TTC8: variants seen among roughly 807,000 people sequenced by gnomAD.
The protein encoded by TTC8 is tetratricopeptide repeat domain 8, also known as tetratricopeptide repeat protein 8.
TTC8 carries 47 observed loss-of-function variants against 72.5 expected under a neutral mutation model. That is an observed-to-expected ratio of 0.65 (90% CI 0.51 to 0.83). TTC8 has a LOEUF of 0.83. Among genes scored for constraint, TTC8 ranks in the 40% least tolerant of loss-of-function variants. The pLI, the probability that TTC8 is intolerant of heterozygous loss-of-function variation, is 0.00. For synonymous variants in TTC8, 199 were observed against 221.4 expected (o/e 0.90, Z 0.90); for missense variants, 611 against 623.2 (o/e 0.98, Z 0.21).
At chr14:88,878,754 G>A (rs2094965639), downstream of TTC8, 1 of 152,202 alleles carries the variant, frequency 6.6e-6, no homozygotes, top group South Asian at 2.1e-4. Flanking sequence ...TAAAATAAGA[G>A]CTAATAAGAA....
chr14:88,824,648 T>C (rs2094689557), upstream of TTC8: 1 of 1,436,806 alleles, frequency 7.0e-7, no homozygotes, highest in East Asian at 2.5e-5. Flanking sequence ...CCGCCAGCTC[T>C]TCACTCCACG....
chr14:88,839,477 C>A lies in TTC8; in HGVS notation c.170C>A (p.Ala57Glu). ...GCAGCTTGGATCTTAAAAGCAAGAG[C>A]GCTAACAGAAATGGTATACATAGAT... ...HQAAWILKAR[A>E]LTEMVYIDEI... Residue 57 changes from alanine to glutamate, a missense_variant, in exon 3 of 15, where the codon GCG becomes GAG. By Grantham distance (107) the Ala-to-Glu change is moderately radical (BLOSUM62 -1). Coordinates refer to ENST00000380656, the MANE Select transcript of TTC8 (RefSeq NM_144596.4). 1.2e-6 allele frequency: 2 copies of A among 1,612,838 alleles called. No individual in the cohort carries two copies. The highest frequency in any genetic ancestry group is 1.7e-6 in the Non-Finnish European group (2 of 1,179,332).
intron 10 of TTC8, among the ~76,000 whole-genome samples, chr14:88,862,014 C>T (rs1370675086): frequency 1.3e-5 from 2 of 152,118 alleles, no homozygotes; most frequent in Admixed American, 1.3e-4. Flanking sequence ...ATTGCTGGAT[C>T]ATATGGTAGG....
In TTC8 at chr14:88,826,990, T is replaced by A. The variant is rs761920747; in HGVS notation, c.114+2169T>A. On this transcript the variant is annotated intron_variant, in intron 1 of 14. Transcript: ENST00000380656. ...CCTATTTTTGATTAATCCAAATAATTAAATAGTTCTGAAACTTATTTGACC... is the reference window on the plus strand; with the variant it reads ...CCTATTTTTGATTAATCCAAATAATAAAATAGTTCTGAAACTTATTTGACC... Among the ~76,000 whole-genome samples, 17 of 152,292 alleles carry A rather than the reference T, an allele frequency of 1.1e-4. No individual in the cohort carries two copies. In the East Asian group the frequency reaches 2.3e-3, roughly 21 times the overall value.
At chr14:88,865,642 T>A (rs2141024669) in intron 10 of TTC8, among the ~76,000 whole-genome samples, 1 of 152,206 alleles carries the variant, frequency 6.6e-6, no homozygotes, top group African/African-American at 2.4e-5. Context: ...CACTCCAGTC[T>A]GGGCAACAAG....
rs1174168625 is a variant in TTC8 at position 88,824,682 on chromosome 14, G to C, written c.-26G>C. 1 of 1,569,018 alleles carries C rather than the reference G, an allele frequency of 6.4e-7. No homozygotes were observed. Among genetic ancestry groups the C allele is most frequent in the Admixed American group, 1.8e-5 (1 of 55,112 alleles). On this transcript the variant is annotated 5_prime_UTR_variant, in exon 1 of 15. Coordinates refer to ENST00000380656, the MANE Select transcript of TTC8 (RefSeq NM_144596.4). ...CGCCCACCTCTCTCCTGGAGCGCTG[G>C]GCCTTCGCTGGCCGCACCGGCAGCC...
chr14:88,870,039 T>C lies in TTC8; in HGVS notation c.910-20T>C, dbSNP rs776560034. 1.3e-5 allele frequency: 21 copies of C among 1,613,384 alleles called. No individual in the cohort carries two copies. Among genetic ancestry groups the C allele is most frequent in the Non-Finnish European group, 1.7e-5 (20 of 1,179,600 alleles). On this transcript the variant is annotated intron_variant, in intron 10 of 14. Coordinates refer to ENST00000380656, the MANE Select transcript of TTC8 (RefSeq NM_144596.4). ...TCCAATATTAATAAAATATTGCTCT[T>C]CTCTCTTGATGGAGAATAGGAAATG...
At chr14:88,857,130 G>C (rs1311836561) in intron 8 of TTC8, 60 bp from the exon 9 acceptor site, 1 of 1,420,180 alleles carries the variant, frequency 7.0e-7, no homozygotes, top group Non-Finnish European at 1.0e-6. Flanking sequence ...TCATCCTCAG[G>C]GTATGATGTA....
chr14:88,849,742 G>A lies in TTC8; in HGVS notation c.625-3229G>A, dbSNP rs181300314. 7.2e-4 allele frequency among the ~76,000 whole-genome samples: 110 copies of A among 152,206 alleles called. 1 individual carries two copies. In the East Asian group the frequency reaches 0.017, roughly 24 times the overall value. The stretch of plus-strand genomic sequence containing the variant: ...GAAGAATACTGTAGAGACAGAGAAC[G>A]CCATGCAGTGGTATTTAAATGTTAG... On this transcript the variant is annotated intron_variant, in intron 7 of 14. Transcript: ENST00000380656.
chr14:88,824,964 G>C (rs892923802), intron 1 of TTC8, 143 bp downstream of exon 1: 1 of 762,674 alleles, frequency 1.3e-6, no homozygotes, highest in African/African-American at 1.7e-5. Flanking sequence ...CCCGGAGCGA[G>C]ACCTTGTGGA....
Position 88,844,396 on chromosome 14 carries a change from A to G in TTC8, c.624+546A>G, listed in dbSNP as rs765875998. Among the ~76,000 whole-genome samples the G allele has an allele frequency of 7.1e-4, 108 of 152,212 alleles. 2 individuals carry two copies. The highest frequency in any genetic ancestry group is 1.9e-4 in the Non-Finnish European group (13 of 68,028). On this transcript the variant is annotated intron_variant, in intron 7 of 14. Transcript: ENST00000380656. ...CTTATATGCAAATGAGCAATAATGGAACAACTTTGGTCAAATCAAATGCAG... is the reference window on the plus strand; with the variant it reads ...CTTATATGCAAATGAGCAATAATGGGACAACTTTGGTCAAATCAAATGCAG...
At chr14:88,845,053 A>G (rs1464284385) in intron 7 of TTC8, among the ~76,000 whole-genome samples, 2 of 152,208 alleles carry the variant, frequency 1.3e-5, no homozygotes, top group African/African-American at 4.8e-5. Flanking sequence ...AAGGGATGAT[A>G]TTAGTAAAGA....
At position 88,877,365 on chromosome 14, in the gene TTC8, A is replaced by C; in HGVS notation, c.1503A>C (p.Thr501=). 1.2e-6 allele frequency: 2 copies of C among 1,613,826 alleles called. No homozygotes were observed. Among genetic ancestry groups the C allele is most frequent in the Non-Finnish European group, 1.7e-6 (2 of 1,179,798 alleles). Reference sequence around the variant, plus strand: ...CAGCATTTCCAGACCATGTGGACACACAACATTTAATTAAACAATTAAGGC... The same window carrying C: ...CAGCATTTCCAGACCATGTGGACACCCAACATTTAATTAAACAATTAAGGC... ...SEAAFPDHVD[T]QHLIKQLRQH... The change falls in exon 15 of 15, where the codon ACA becomes ACC. Residue 501 remains threonine (T), a synonymous_variant. Coordinates refer to ENST00000380656, the MANE Select transcript of TTC8 (RefSeq NM_144596.4).
chr14:88,849,930 T>G (rs1051908501), intron 7 of TTC8, among the ~76,000 whole-genome samples: 5 of 152,180 alleles, frequency 3.3e-5, no homozygotes, highest in African/African-American at 1.2e-4. Flanking sequence ...GCTCTTTAAT[T>G]TCATCATCCT....
chr14:88,862,596 A>ATT (rs2094892763), intron 10 of TTC8, among the ~76,000 whole-genome samples: 3 of 84,310 alleles, frequency 3.6e-5, no homozygotes, highest in South Asian at 8.2e-4. Flanking sequence ...ATATATATAT[A>ATT]TTTAGAGATG....
chr14:88,830,152 A>G (rs1359200419), intron 1 of TTC8, among the ~76,000 whole-genome samples: 1 of 152,232 alleles, frequency 6.6e-6, no homozygotes. Flanking sequence ...ATTAGCCAGC[A>G]TAAGTAGTGG....
chr14:88,843,285 A>G (rs915296258), intron 6 of TTC8, among the ~76,000 whole-genome samples: 4 of 152,302 alleles, frequency 2.6e-5, no homozygotes, highest in African/African-American at 9.6e-5. Context: ...GGTGATTCCA[A>G]TGTCCAGCTT....
At chr14:88,861,541 T>C (rs1437457213) in intron 10 of TTC8, among the ~76,000 whole-genome samples, 1 of 152,214 alleles carries the variant, frequency 6.6e-6, no homozygotes, top group Non-Finnish European at 1.5e-5. Flanking sequence ...AATAAATTAT[T>C]GTTAACCATA....
At chr14:88,842,828 A>C (rs1269849640) in intron 6 of TTC8, among the ~76,000 whole-genome samples, 1 of 152,192 alleles carries the variant, frequency 6.6e-6, no homozygotes, top group Non-Finnish European at 1.5e-5. Context: ...TGGGGTGTCT[A>C]GGGTGACTCT....
Sources: gnomAD v4.1 joint callset for allele counts (sites outside exome capture counted in the v4.1 genomes callset) on GRCh38, gnomAD v4.1.1 for gene constraint, MANE v1.5 for transcripts, NCBI Gene and HGNC (gene_info 2026-07-23, HGNC 2026-07-21) for gene names.